The following GALNTL6 variants were observed in gnomAD, a reference collection of about 807,000 sequenced individuals.
GALNTL6 encodes polypeptide N-acetylgalactosaminyltransferase like 6, also known as polypeptide N-acetylgalactosaminyltransferase-like 6.
Under a neutral mutation model 73.7 loss-of-function variants are expected in GALNTL6, and 46 were observed. That is an observed-to-expected ratio of 0.62 (90% CI 0.49 to 0.80). The LOEUF (loss-of-function observed/expected upper bound fraction) is 0.80, where lower values mean the gene tolerates loss of function less well. Among genes scored for constraint, GALNTL6 ranks in the 30% least tolerant of loss-of-function variants. The pLI, the probability that GALNTL6 is intolerant of heterozygous loss-of-function variation, is 0.00. For missense variants in GALNTL6, 604 were observed against 755.0 expected, an observed-to-expected ratio of 0.80 and a Z score of 2.34; for synonymous variants, 259 against 263.7, an observed-to-expected ratio of 0.98 and a Z score of 0.17.
chr4:171,841,619 C>G (rs1735241088), intron 2 of GALNTL6, among the ~76,000 whole-genome samples: 2 of 152,062 alleles, frequency 1.3e-5, no homozygotes, highest in South Asian at 4.2e-4. Context: ...ACTAATGAAA[C>G]TAGCTATTCC....
At chr4:172,490,449 AT>A (rs1733855600) in intron 5 of GALNTL6, among the ~76,000 whole-genome samples, 1 of 152,156 alleles carries the variant, frequency 6.6e-6, no homozygotes, top group Non-Finnish European at 1.5e-5. Flanking sequence ...GCCCTAAAGT[AT>A]CTTGGAGCAC....
chr4:171,983,109 G>A (rs1473135159), intron 2 of GALNTL6, among the ~76,000 whole-genome samples: 1 of 151,860 alleles, frequency 6.6e-6, no homozygotes, highest in Non-Finnish European at 1.5e-5. Flanking sequence ...TTTTTTTCCT[G>A]GATACATCCT....
chr4:171,847,471 A>G (rs1186950943), intron 2 of GALNTL6, among the ~76,000 whole-genome samples: 2 of 152,148 alleles, frequency 1.3e-5, no homozygotes, highest in Admixed American at 6.5e-5. Context: ...TAAGACAACA[A>G]TGAAATTTGC....
intron 2 of GALNTL6, among the ~76,000 whole-genome samples, chr4:171,971,787 A>G (rs1739577754): frequency 6.6e-6 from 1 of 152,218 alleles, no homozygotes; most frequent in South Asian, 2.1e-4. Context: ...ATAACAAACT[A>G]TGGCAAAACT....
In GALNTL6 at chr4:172,991,403, G is replaced by GT. The variant is rs567361349; in HGVS notation, c.1372-17767dup. On this transcript the variant is annotated intron_variant, in intron 10 of 12. Coordinates refer to ENST00000506823, the MANE Select transcript of GALNTL6 (RefSeq NM_001034845.3). ...TTAAACCCAGTTTTTGTTTTTTTTT[G>GT]TTTTTTTTGTTTTGAGACAGAGTCT... Among the ~76,000 whole-genome samples, 81 of 149,272 alleles carry GT rather than the reference G, an allele frequency of 5.4e-4. No individual in the cohort carries two copies. In the South Asian group the frequency reaches 0.014, roughly 25 times the overall value.
intron 2 of GALNTL6, among the ~76,000 whole-genome samples, chr4:171,968,813 C>T (rs1739468148): frequency 6.8e-6 from 1 of 147,486 alleles, no homozygotes; most frequent in African/African-American, 2.5e-5. Flanking sequence ...AATCGCCCTC[C>T]CTTGTTCTAT....
chr4:172,974,099 A>G (rs1049411132), intron 10 of GALNTL6, among the ~76,000 whole-genome samples: 2 of 152,238 alleles, frequency 1.3e-5, no homozygotes, highest in Non-Finnish European at 2.9e-5. Context: ...AGGTATCAGT[A>G]TTTTTATTGT....
At chr4:172,528,006 G>A (rs955825475) in intron 5 of GALNTL6, among the ~76,000 whole-genome samples, 1 of 151,582 alleles carries the variant, frequency 6.6e-6, no homozygotes, top group Admixed American at 6.6e-5. Context: ...TTTATTTATT[G>A]AAGTTAACTT....
intron 5 of GALNTL6, among the ~76,000 whole-genome samples, chr4:172,519,203 T>C (rs188831100): frequency 2.0e-3 from 302 of 150,614 alleles, no homozygotes; most frequent in Middle Eastern, 7.0e-3. Context: ...TATATTACTT[T>C]GTAAATATGC....
chr4:172,950,786 T>C (rs1448475979), intron 9 of GALNTL6, among the ~76,000 whole-genome samples: 1 of 152,216 alleles, frequency 6.6e-6, no homozygotes, highest in Non-Finnish European at 1.5e-5. Context: ...TTCCTGACCA[T>C]TGCAGTCATT....
At chr4:172,760,214 G>A (rs1186540927) in intron 5 of GALNTL6, among the ~76,000 whole-genome samples, 1 of 152,170 alleles carries the variant, frequency 6.6e-6, no homozygotes, top group African/African-American at 2.4e-5. Context: ...TCTGTAGGTA[G>A]GCTGAACCCG....
At chr4:172,952,301 G>A (rs756586757) in intron 10 of GALNTL6, 43 bp downstream of exon 10, 2 of 1,425,960 alleles carry the variant, frequency 1.4e-6, no homozygotes, top group Admixed American at 1.7e-5. Flanking sequence ...CTATGAGACT[G>A]TGTGCCTCCC....
At chr4:171,963,248 G>A (rs966844466) in intron 2 of GALNTL6, among the ~76,000 whole-genome samples, 4 of 152,034 alleles carry the variant, frequency 2.6e-5, no homozygotes, top group Non-Finnish European at 4.4e-5. Context: ...TATGTCCAAC[G>A]GCACAGCAAA....
At chr4:172,963,665 A>G (rs537906416) in intron 10 of GALNTL6, among the ~76,000 whole-genome samples, 1 of 152,286 alleles carries the variant, frequency 6.6e-6, no homozygotes, top group East Asian at 1.9e-4. Flanking sequence ...AAGCCACCCC[A>G]GGGCACACTA....
chr4:172,894,285 C>T (rs1160422305), intron 8 of GALNTL6, among the ~76,000 whole-genome samples: 2 of 151,916 alleles, frequency 1.3e-5, no homozygotes, highest in Non-Finnish European at 2.9e-5. Context: ...TCACTAGGTT[C>T]TTTATTTGAA....
rs966694752 is a variant in GALNTL6, at chr4:172,797,451, C to T, written c.554-11910C>T. The stretch of plus-strand genomic sequence containing the variant: ...GTAGAGACAGGGTTTCACTGTGTTG[C>T]TCAGGCTTGTCTGTAGTTCCTGAGC... On this transcript the variant is annotated intron_variant, in intron 5 of 12. Transcript: ENST00000506823. Among the ~76,000 whole-genome samples, 5 of 151,902 alleles carry T rather than the reference C, an allele frequency of 3.3e-5. No homozygotes were observed. The East Asian group carries it at 9.7e-4, about 29-fold the overall frequency.
At chr4:172,897,253 G>C (rs923868774) in intron 8 of GALNTL6, among the ~76,000 whole-genome samples, 3 of 152,120 alleles carry the variant, frequency 2.0e-5, no homozygotes, top group African/African-American at 7.2e-5. Flanking sequence ...ATAGTCCTCT[G>C]ATTGCAACAG....
intron 5 of GALNTL6, among the ~76,000 whole-genome samples, chr4:172,367,745 CAAATA>C (rs1381646627): frequency 3.9e-5 from 6 of 152,086 alleles, no homozygotes; most frequent in African/African-American, 1.2e-4. Flanking sequence ...TGTACATCTA[CAAATA>C]AAATAAAGTC....
chr4:172,072,103 T>C (rs1423488859), intron 2 of GALNTL6, among the ~76,000 whole-genome samples: 1 of 152,128 alleles, frequency 6.6e-6, no homozygotes, highest in Non-Finnish European at 1.5e-5. Flanking sequence ...CTGCAGATTG[T>C]GGGTCAGATC....
Sources: allele counts gnomAD v4.1 joint callset (sites outside exome capture counted in the v4.1 genomes callset), GRCh38; gene constraint gnomAD v4.1.1; transcripts MANE v1.5; gene names NCBI Gene and HGNC (gene_info 2026-07-23, HGNC 2026-07-21).